HSD17B12: variants seen among roughly 807,000 people sequenced by gnomAD.
HSD17B12 encodes very-long-chain 3-oxoacyl-CoA reductase.
In HSD17B12, 32 loss-of-function variants were observed where a neutral mutation model predicts 39.3. The ratio of observed to expected loss-of-function variants is 0.81; its 90% CI spans 0.61 to 1.09. The LOEUF (loss-of-function observed/expected upper bound fraction) is 1.09. Ranked by LOEUF, HSD17B12 falls within the 50% of genes least tolerant of loss-of-function variation. The pLI, the probability that HSD17B12 is intolerant of heterozygous loss-of-function variation, is 0.00. For synonymous variants in HSD17B12, 150 were observed against 146.7 expected, an observed-to-expected ratio of 1.02 and a Z score of -0.16; for missense variants, 342 against 382.9, an observed-to-expected ratio of 0.89 and a Z score of 0.89.
intron 5 of HSD17B12, 47 bp downstream of exon 5, chr11:43,815,548 G>T: frequency 8.6e-7 from 1 of 1,159,766 alleles, no homozygotes; most frequent in Non-Finnish European, 1.3e-6. Context: ...ATGCATGCAG[G>T]TATTGGTATA....
intron 6 of HSD17B12, among the ~76,000 whole-genome samples, chr11:43,819,245 A>G (rs980308380): frequency 2.0e-5 from 3 of 152,112 alleles, no homozygotes; most frequent in Non-Finnish European, 2.9e-5. Context: ...CTACACTTAC[A>G]TGTTTGTATA....
chr11:43,616,425 C>CAAA, the HSD17B12 span, among the ~76,000 whole-genome samples: 1 of 62,432 alleles, frequency 1.6e-5, no homozygotes, highest in Non-Finnish European at 3.3e-5. Flanking sequence ...AAACAAAAAA[C>CAAA]AAAAAAAAAA....
chr11:43,856,601 T>C lies in HSD17B12; in HGVS notation c.*1353T>C. 1 of 152,232 alleles carries C rather than the reference T, an allele frequency of 6.6e-6. No individual in the cohort carries two copies. Among genetic ancestry groups the C allele is most frequent in the East Asian group, 1.9e-4 (1 of 5,198 alleles). 9.4% of individuals were successfully genotyped at this position (152,232 alleles called of 1,614,324 possible). On this transcript the variant is annotated 3_prime_UTR_variant, in exon 11 of 11. Coordinates refer to ENST00000278353, the MANE Select transcript of HSD17B12 (RefSeq NM_016142.3). ...TTGTCATTTAAGTTGAATAAATATA[T>C]AGCTTTATGAAAAACACATTGTTTG...
At chr11:43,778,075 G>T (rs1950727022) in intron 3 of HSD17B12, among the ~76,000 whole-genome samples, 1 of 151,888 alleles carries the variant, frequency 6.6e-6, no homozygotes. Context: ...CAACAAAATT[G>T]ATAAACCGCT....
chr11:43,673,832 C>A, the HSD17B12 span, among the ~76,000 whole-genome samples: 1 of 152,202 alleles, frequency 6.6e-6, no homozygotes, highest in South Asian at 2.1e-4. Context: ...TTAGATGCTG[C>A]TTTCTCTGAG....
chr11:43,690,404 ATTTT>A (rs1206545700), intron 1 of HSD17B12, among the ~76,000 whole-genome samples: 1 of 24,956 alleles, frequency 4.0e-5, no homozygotes, highest in Non-Finnish European at 6.9e-5. Flanking sequence ...ATATATATAT[ATTTT>A]TTTTTTTTTT....
chr11:43,837,977 T>C (rs1319872320), intron 7 of HSD17B12: 1 of 247,152 alleles, frequency 4.0e-6, no homozygotes, highest in East Asian at 8.6e-5. Context: ...ATGCAGGGAA[T>C]ATAAAAGATC....
the HSD17B12 span, among the ~76,000 whole-genome samples, chr11:43,583,039 C>CT: frequency 6.6e-6 from 1 of 152,188 alleles, no homozygotes; most frequent in Non-Finnish European, 1.5e-5. Flanking sequence ...TTAATAATAG[C>CT]TTCACCCTGT....
At chr11:43,642,701 A>C in the HSD17B12 span, among the ~76,000 whole-genome samples, 1 of 151,876 alleles carries the variant, frequency 6.6e-6, no homozygotes, top group Non-Finnish European at 1.5e-5. Context: ...CTAACTAAAG[A>C]GTTAGGTGAG....
At chr11:43,830,441 T>A (rs578074979) in intron 6 of HSD17B12, 2 of 152,354 alleles carry the variant, frequency 1.3e-5, no homozygotes, top group South Asian at 4.1e-4. Context: ...ATCTTAACTC[T>A]CTTTAAGGAT....
At chr11:43,694,096 T>G (rs534098991) in intron 1 of HSD17B12, among the ~76,000 whole-genome samples, 19 of 152,332 alleles carry the variant, frequency 1.2e-4, no homozygotes, top group Non-Finnish European at 2.2e-4. Flanking sequence ...GTTACTGTAA[T>G]GGTGACATTT....
At chr11:43,677,671 C>T (rs1949703586), upstream of HSD17B12, among the ~76,000 whole-genome samples, 1 of 124,304 alleles carries the variant, frequency 8.0e-6, no homozygotes. Flanking sequence ...TCAATTCCCA[C>T]CTATGAGTGA....
At chr11:43,603,889 T>C in the HSD17B12 span, among the ~76,000 whole-genome samples, 1 of 152,206 alleles carries the variant, frequency 6.6e-6, no homozygotes, top group African/African-American at 2.4e-5. Context: ...CAGAATTTAA[T>C]CCAAATTTGC....
the HSD17B12 span, among the ~76,000 whole-genome samples, chr11:43,621,420 A>T: frequency 6.6e-6 from 1 of 152,118 alleles, no homozygotes; most frequent in Non-Finnish European, 1.5e-5. Context: ...ATCCCTTATA[A>T]AGAAATATTT....
the HSD17B12 span, among the ~76,000 whole-genome samples, chr11:43,611,734 A>G: frequency 6.6e-6 from 1 of 152,290 alleles, no homozygotes; most frequent in South Asian, 2.1e-4. Flanking sequence ...ATGTGGGGTG[A>G]TTATTAAAAA....
At chr11:43,625,081 C>T in the HSD17B12 span, among the ~76,000 whole-genome samples, 1 of 151,638 alleles carries the variant, frequency 6.6e-6, no homozygotes, top group African/African-American at 2.4e-5. Flanking sequence ...GTTTTACAAA[C>T]AAGTATATTA....
At chr11:43,800,968 A>G (rs1162089017) in intron 4 of HSD17B12, among the ~76,000 whole-genome samples, 1 of 151,944 alleles carries the variant, frequency 6.6e-6, no homozygotes, top group Non-Finnish European at 1.5e-5. Context: ...ACGAAACCCC[A>G]TCTCTACTAA....
the HSD17B12 span, among the ~76,000 whole-genome samples, chr11:43,627,042 T>C: frequency 1.3e-5 from 2 of 152,044 alleles, no homozygotes; most frequent in African/African-American, 4.8e-5. Flanking sequence ...AAACATCCAG[T>C]TGCTAGACAT....
chr11:43,828,141 C>CTTTT (rs551697407), intron 6 of HSD17B12, among the ~76,000 whole-genome samples: 4 of 131,266 alleles, frequency 3.0e-5, no homozygotes, highest in Non-Finnish European at 4.9e-5. Context: ...TTGTCTACTT[C>CTTTT]TTTTTTTTTT....
Sources: gnomAD v4.1 joint callset for allele counts (sites outside exome capture counted in the v4.1 genomes callset) on GRCh38, gnomAD v4.1.1 for gene constraint, MANE v1.5 for transcripts, NCBI Gene and HGNC (gene_info 2026-07-23, HGNC 2026-07-21) for gene names.